STAT2: variants seen among roughly 807,000 people sequenced by gnomAD.
STAT2 encodes the protein signal transducer and activator of transcription 2.
STAT2 carries 51 observed loss-of-function variants against 122.3 expected under a neutral mutation model. The ratio of observed to expected loss-of-function variants is 0.42; its 90% CI spans 0.33 to 0.53. The LOEUF is 0.53. Ranked by LOEUF, STAT2 falls within the 20% of genes least tolerant of loss-of-function variation. The pLI, the probability that STAT2 is intolerant of heterozygous loss-of-function variation, is 0.10. For missense variants in STAT2, 736 were observed against 1,010.3 expected (o/e 0.73, Z 3.68); for synonymous variants, 351 against 394.9 (o/e 0.89, Z 1.32).
At position 56,354,836 on chromosome 12, in the gene STAT2, T is replaced by C; in HGVS notation, c.575A>G (p.Gln192Arg). The change falls in exon 7 of 24, where the codon CAG (glutamine) becomes CGG (arginine). Residue 192 changes from glutamine (Q) to arginine (R), a missense_variant. Physicochemically the swap from Gln to Arg is conservative, Grantham distance 43. Transcript: ENST00000314128. ...CTGCAGAATCTTCTGCTCTTTGGTC[T>C]GATGGGGGTCCAGAGAGGGTGTCTT... is the stretch of plus-strand genomic sequence containing the variant. ...KGKTPSLDPH[Q>R]TKEQKILQET... is the part of the protein sequence containing the mutation. 1.2e-6 allele frequency: 2 copies of C among 1,614,188 alleles called. No homozygotes were observed. Among genetic ancestry groups the C allele is most frequent in the Non-Finnish European group, 1.7e-6 (2 of 1,180,036 alleles).
chr12:56,353,939 T>C (rs1333744280), intron 8 of STAT2, among the ~76,000 whole-genome samples: 1 of 135,418 alleles, frequency 7.4e-6, no homozygotes, highest in Non-Finnish European at 1.5e-5. Flanking sequence ...GAAGTTGCAG[T>C]GAGCTGAGAT....
Position 56,349,637 on chromosome 12 carries a change from CTG to C in STAT2, c.1210-3_1210-2del. 4.3e-6 allele frequency: 7 copies of C among 1,614,208 alleles called. No individual in the cohort carries two copies. The highest frequency in any genetic ancestry group is 5.9e-6 in the Non-Finnish European group (7 of 1,180,034). On this transcript the variant is annotated splice_acceptor_variant and splice_polypyrimidine_tract_variant and intron_variant, in intron 13 of 23. Coordinates refer to ENST00000314128, the MANE Select transcript of STAT2 (RefSeq NM_005419.4). LOFTEE classifies it high-confidence loss of function. ...CACCTGAACGTTGCTCCACCAGAGT[CTG>C]TGAATTGAAGGGAAGGAGAGAAAAT...
chr12:56,348,218 G>T (rs1324515785), intron 19 of STAT2, among the ~76,000 whole-genome samples: 1 of 151,406 alleles, frequency 6.6e-6, no homozygotes, highest in Non-Finnish European at 1.5e-5. Context: ...CTCCTGAGTA[G>T]CTGGGACTAC....
intron 23 of STAT2, 53 bp from the exon 24 acceptor site, chr12:56,343,584 A>G: frequency 6.3e-7 from 1 of 1,588,254 alleles, no homozygotes; most frequent in Non-Finnish European, 8.6e-7. Context: ...GGAGTTCCCA[A>G]CCCAGCAGGG....
chr12:56,357,023 T>G (rs1457020198), intron 1 of STAT2, among the ~76,000 whole-genome samples: 1 of 133,758 alleles, frequency 7.5e-6, no homozygotes, highest in Admixed American at 7.9e-5. Flanking sequence ...ATGCCTAATC[T>G]GTATTTTTTT....
intron 13 of STAT2, 40 bp downstream of exon 13, chr12:56,350,056 TA>T (rs1878210865): frequency 6.5e-7 from 1 of 1,548,748 alleles, no homozygotes; most frequent in Non-Finnish European, 8.9e-7. Flanking sequence ...CTCAAAAAAA[TA>T]AAAATAGTAA....
intron 10 of STAT2, 96 bp downstream of exon 10, chr12:56,351,002 G>C: frequency 6.4e-7 from 1 of 1,570,468 alleles, no homozygotes; most frequent in Non-Finnish European, 8.8e-7. Flanking sequence ...CAGGGAAAGA[G>C]AAGAAAAAGC....
chr12:56,346,250 A>G (rs1877438223), intron 21 of STAT2, 47 bp from the exon 22 acceptor site: 2 of 1,610,438 alleles, frequency 1.2e-6, no homozygotes, highest in South Asian at 1.1e-5. Context: ...TGGGCCAGAC[A>G]TATAGCCTGA....
At chr12:56,351,214 G>C (rs1385095661) in intron 9 of STAT2, 24 bp from the exon 10 acceptor site, 1 of 1,612,212 alleles carries the variant, frequency 6.2e-7, no homozygotes. Flanking sequence ...GGTGTGGAGA[G>C]AATATATAGC....
Position 56,356,203 on chromosome 12 carries a change from C to T in STAT2, c.214G>A (p.Gly72Ser), listed in dbSNP as rs1318186936. The T allele has an allele frequency of 1.9e-6, 3 of 1,614,032 alleles. No individual in the cohort carries two copies. The highest frequency in any genetic ancestry group is 1.6e-4 in the Middle Eastern group (1 of 6,062). ...HFLDQLNYEC[G>S]RCSQDPESLL... ...GACTCTGGGTCCTGGCTGCAACGGC[C>T]ACACTCATAGTTCAGCTGATCCAAG... The change falls in exon 3 of 24, where the codon GGC becomes AGC. Residue 72 changes from glycine to serine, a missense_variant. Gly to Ser is a moderately conservative substitution (Grantham distance 56). Transcript: ENST00000314128.
In STAT2 at chr12:56,350,178, G is replaced by A. The variant is rs1878230679; in HGVS notation, c.1128C>T (p.Phe376=). ...TTTTCTGGTTTGAAGTCAGAATGTT[G>A]AACTTCCGGAAGCTGTTCCAGGAGG... ...NPPQLQGFRK[F]NILTSNQKTL... is the part of the protein sequence containing the mutation. The change falls in exon 13 of 24, where the codon TTC becomes TTT. Residue 376 remains phenylalanine (F), a synonymous_variant. Transcript: ENST00000314128. 6.2e-7 allele frequency: 1 copy of A among 1,611,732 alleles called. No homozygotes were observed. The highest frequency in any genetic ancestry group is 1.7e-4 in the Middle Eastern group (1 of 6,038).
At chr12:56,347,788 C>T (rs920239169) in intron 19 of STAT2, among the ~76,000 whole-genome samples, 1 of 152,210 alleles carries the variant, frequency 6.6e-6, no homozygotes, top group African/African-American at 2.4e-5. Context: ...AGGCGTGAGC[C>T]ATCGTGCCTG....
At chr12:56,352,333 A>G (rs1297229292) in intron 8 of STAT2, 1 of 132,504 alleles carries the variant, frequency 7.5e-6, no homozygotes, top group Admixed American at 8.4e-5. Flanking sequence ...CTATTCTGGG[A>G]AACATTTGTA....
intron 17 of STAT2, 43 bp from the exon 18 acceptor site, chr12:56,348,847 G>A (rs1415018664): frequency 6.2e-7 from 1 of 1,614,148 alleles, no homozygotes; most frequent in Non-Finnish European, 8.5e-7. Context: ...GGGAAGCCAG[G>A]GGTCCTGGGA....
intron 1 of STAT2, among the ~76,000 whole-genome samples, chr12:56,357,194 G>A (rs370879481): frequency 1.1e-4 from 17 of 151,516 alleles, no homozygotes; most frequent in South Asian, 4.2e-4. Context: ...CCACCACCAC[G>A]CCCAGCTAAT....
At chr12:56,354,028 T>A (rs1177836265) in intron 8 of STAT2, among the ~76,000 whole-genome samples, 1 of 65,682 alleles carries the variant, frequency 1.5e-5, no homozygotes, top group Non-Finnish European at 3.3e-5. Flanking sequence ...TATATATATA[T>A]ATATATATAT....
Position 56,349,173 on chromosome 12 carries a change from G to C in STAT2, c.1430C>G (p.Pro477Arg). 4 of 1,614,122 alleles carry C rather than the reference G, an allele frequency of 2.5e-6. No individual in the cohort carries two copies. The highest frequency in any genetic ancestry group is 8.5e-7 in the Non-Finnish European group (1 of 1,180,030). The change falls in exon 16 of 24, where the codon CCA becomes CGA. Residue 477 changes from proline to arginine, a missense_variant. By Grantham distance (103) the Pro-to-Arg change is moderately radical. Coordinates refer to ENST00000314128, the MANE Select transcript of STAT2 (RefSeq NM_005419.4). ...ASVLWFNLLS[P>R]NLQNQQFFSN... ...GCCCCACTCCCCTACCTGAAGGTTT[G>C]GGCTGAGCAAATTGAACCAGAGAAC... is the stretch of plus-strand genomic sequence containing the variant.
intron 8 of STAT2, among the ~76,000 whole-genome samples, chr12:56,353,661 G>A (rs2136076340): frequency 6.6e-6 from 1 of 151,914 alleles, no homozygotes; most frequent in Admixed American, 6.6e-5. Context: ...ACCATATAGG[G>A]GACTGTTGTG....
rs200918874 is a variant in STAT2, at chr12:56,346,169, G to C, written c.2079C>G (p.His693Gln). The change falls in exon 22 of 24, where the codon CAC (histidine) becomes CAG (glutamine). Residue 693 changes from histidine (H) to glutamine (Q), a missense_variant. His to Gln is a conservative substitution (Grantham distance 24, BLOSUM62 0). Coordinates refer to ENST00000314128, the MANE Select transcript of STAT2 (RefSeq NM_005419.4). ...NLQERRKYLKHRLIVVSNRQV... is the reference protein window; with the variant it reads ...NLQERRKYLKQRLIVVSNRQV... ...ACCTATTAGAGACCACAATGAGCCT[G>C]TGTTTCAGGTATTTCCTCCGTTCCT... 7.4e-6 allele frequency: 12 copies of C among 1,614,226 alleles called. No individual in the cohort carries two copies. The highest frequency in any genetic ancestry group is 3.3e-5 in the Admixed American group (2 of 60,020).
Sources: gnomAD v4.1 joint callset for allele counts (sites outside exome capture counted in the v4.1 genomes callset) on GRCh38, gnomAD v4.1.1 for gene constraint, MANE v1.5 for transcripts, NCBI Gene and HGNC (gene_info 2026-07-23, HGNC 2026-07-21) for gene names.